Variants in IRAK3 observed in about 807,000 individuals in gnomAD.
IRAK3 encodes interleukin-1 receptor-associated kinase 3.
IRAK3 carries 57 observed loss-of-function variants against 56.6 expected under a neutral mutation model. That is an observed-to-expected ratio of 1.01 (90% CI 0.81 to 1.26). The LOEUF (loss-of-function observed/expected upper bound fraction) is 1.26. Ranked by LOEUF, IRAK3 falls within the 50% of genes most tolerant of loss-of-function variation. IRAK3 has a pLI of 0.00. For synonymous variants in IRAK3, 258 were observed against 255.7 expected (o/e 1.01, Z -0.09); for missense variants, 703 against 719.0 (o/e 0.98, Z 0.25).
intron 8 of IRAK3, among the ~76,000 whole-genome samples, chr12:66,238,778 G>A (rs1046037386): frequency 6.6e-6 from 1 of 152,158 alleles, no homozygotes; most frequent in African/African-American, 2.4e-5. Context: ...CAACAAGTCT[G>A]GGGGTTTATT....
Position 66,228,347 on chromosome 12 carries a change from G to T in IRAK3, c.864G>T (p.Ser288=), listed in dbSNP as rs535521918. The change falls in exon 8 of 12, where the codon TCG becomes TCT. Residue 288 remains serine (S), a synonymous_variant. Coordinates refer to ENST00000261233, the MANE Select transcript of IRAK3 (RefSeq NM_007199.3). ...IHYLHNVQPC[S]VICGSISSAN... Reference sequence around the variant, plus strand: ...ACCTGCACAACGTTCAACCATGCTCGGTCATCTGTGGCAGTATATCAAGGT... The same window carrying T: ...ACCTGCACAACGTTCAACCATGCTCTGTCATCTGTGGCAGTATATCAAGGT... 4.3e-6 allele frequency: 7 copies of T among 1,612,976 alleles called. No homozygotes were observed. The highest frequency in any genetic ancestry group is 1.3e-5 in the African/African-American group (1 of 74,866).
rs772091770 is a variant in IRAK3, at chr12:66,248,896, A to G, written c.*725A>G. 2 of 152,204 alleles carry G rather than the reference A, an allele frequency of 1.3e-5. No individual in the cohort carries two copies. Among genetic ancestry groups the G allele is most frequent in the South Asian group, 2.1e-4 (1 of 4,832 alleles). The allele number at this position is 152,204 out of a possible 1,614,324, so 9.4% of individuals were successfully genotyped here. ...GTGAAATGTCCATCAAGTAATTTTT[A>G]TTCCTGAGAAAATGGCTGGTCAAGG... On this transcript the variant is annotated 3_prime_UTR_variant, in exon 12 of 12. Coordinates refer to ENST00000261233, the MANE Select transcript of IRAK3 (RefSeq NM_007199.3).
chr12:66,233,166 CAA>C (rs1223704761), intron 8 of IRAK3, among the ~76,000 whole-genome samples: 1 of 152,124 alleles, frequency 6.6e-6, no homozygotes, highest in African/African-American at 2.4e-5. Context: ...GCTACAGCAT[CAA>C]AAGAGTTAAG....
intron 8 of IRAK3, among the ~76,000 whole-genome samples, chr12:66,230,452 G>T (rs969501688): frequency 6.6e-6 from 1 of 152,148 alleles, no homozygotes; most frequent in East Asian, 1.9e-4. Context: ...CTGGGGTGGC[G>T]CATCAAAGAC....
chr12:66,197,662 T>C, intron 1 of IRAK3: 1 of 985,374 alleles, frequency 1.0e-6, no homozygotes, highest in Non-Finnish European at 1.2e-6. Context: ...GAACTTCTGC[T>C]ATTAGAAAAA....
Position 66,235,183 on chromosome 12 carries a change from G to A in IRAK3, c.887+6813G>A. ...TATTACTGCTGGTGGTGCTGGGACT[G>A]GGAGGGGCCATGGGGTGGGCTGGGA... On this transcript the variant is annotated intron_variant, in intron 8 of 11. Coordinates refer to ENST00000261233, the MANE Select transcript of IRAK3 (RefSeq NM_007199.3). 4 of 1,613,724 alleles carry A rather than the reference G, an allele frequency of 2.5e-6. No homozygotes were observed. In the South Asian group the frequency reaches 4.4e-5, roughly 18 times the overall value.
At chr12:66,195,771 T>G (rs2052445303) in intron 1 of IRAK3, among the ~76,000 whole-genome samples, 1 of 152,222 alleles carries the variant, frequency 6.6e-6, no homozygotes, top group Non-Finnish European at 1.5e-5. Flanking sequence ...GAGATTCTCC[T>G]GCCTCAGCAT....
chr12:66,206,953 C>T (rs186813049), intron 2 of IRAK3, among the ~76,000 whole-genome samples: 1 of 152,250 alleles, frequency 6.6e-6, no homozygotes. Context: ...TTCCTAGAAA[C>T]CTGTCCATGT....
chr12:66,235,624 G>C (rs558004280), intron 8 of IRAK3, among the ~76,000 whole-genome samples: 2 of 149,306 alleles, frequency 1.3e-5, no homozygotes, highest in East Asian at 3.9e-4. Context: ...CGCGTCCTCC[G>C]ATATTATTAA....
chr12:66,212,272 A>G (rs994578452), intron 5 of IRAK3, among the ~76,000 whole-genome samples: 1 of 152,146 alleles, frequency 6.6e-6, no homozygotes, highest in Non-Finnish European at 1.5e-5. Context: ...ACTGCTTTAT[A>G]AATTGTCTTC....
At chr12:66,232,122 A>AG (rs1317275474) in intron 8 of IRAK3, among the ~76,000 whole-genome samples, 1 of 152,220 alleles carries the variant, frequency 6.6e-6, no homozygotes, top group Non-Finnish European at 1.5e-5. Context: ...ATATTATGGA[A>AG]GAGACAAGGC....
At chr12:66,197,079 G>C (rs2052461479) in intron 1 of IRAK3, 5 of 1,361,002 alleles carry the variant, frequency 3.7e-6, no homozygotes, top group Non-Finnish European at 4.7e-6. Context: ...AGCCTTCAAG[G>C]ACTTTTGAGC....
chr12:66,207,724 A>G (rs1299373498), intron 2 of IRAK3, among the ~76,000 whole-genome samples: 3 of 151,350 alleles, frequency 2.0e-5, no homozygotes, highest in Admixed American at 2.0e-4. Flanking sequence ...TTGTGTTTTC[A>G]TTTTCATTCA....
chr12:66,251,092 G>A lies in IRAK3; in HGVS notation c.*2921G>A, dbSNP rs1313164124. On this transcript the variant is annotated 3_prime_UTR_variant, in exon 12 of 12. Coordinates refer to ENST00000261233, the MANE Select transcript of IRAK3 (RefSeq NM_007199.3). ...GGATGTTGGTTAGCACAGAGTGGGA[G>A]CTCTAGAAAGATTGTTGACCAATCA... The A allele has an allele frequency of 1.3e-5, 2 of 152,190 alleles. No homozygotes were observed. The highest frequency in any genetic ancestry group is 4.1e-4 in the South Asian group (2 of 4,830). The allele number at this position is 152,190 out of a possible 1,614,324, so 9.4% of individuals were successfully genotyped here.
rs1230420234 is a variant in IRAK3 at position 66,253,906 on chromosome 12, T to C, written c.*5735T>C. ...GAGAATACAAACCAAAAACACTTTA[T>C]TCAAGTCCAGGAAATATCTGCCTTG... On this transcript the variant is annotated 3_prime_UTR_variant, in exon 12 of 12. Transcript: ENST00000261233. The C allele has an allele frequency of 6.6e-6, 1 of 152,228 alleles. No individual in the cohort carries two copies. Among genetic ancestry groups the C allele is most frequent in the Non-Finnish European group, 1.5e-5 (1 of 68,038 alleles). The allele number at this position is 152,228 out of a possible 1,614,324, so 9.4% of individuals were successfully genotyped here.
chr12:66,193,442 G>A (rs562785285), intron 1 of IRAK3, among the ~76,000 whole-genome samples: 145 of 152,302 alleles, frequency 9.5e-4, no homozygotes, highest in African/African-American at 3.2e-3. Flanking sequence ...TCTTGCATGA[G>A]TGTGCTGCAT....
intron 8 of IRAK3, among the ~76,000 whole-genome samples, chr12:66,229,394 A>T (rs1029556267): frequency 6.6e-6 from 1 of 152,182 alleles, no homozygotes; most frequent in Admixed American, 6.5e-5. Flanking sequence ...TTTGCTGAAT[A>T]TCAAGGAAGA....
intron 8 of IRAK3, among the ~76,000 whole-genome samples, chr12:66,236,270 C>T (rs75932441): frequency 4.6e-5 from 7 of 151,596 alleles, no homozygotes; most frequent in East Asian, 1.9e-4. Context: ...GGGTTCAGGC[C>T]GGGTGAGGTG....
chr12:66,245,936 T>C (rs1470218945), intron 11 of IRAK3, among the ~76,000 whole-genome samples: 3 of 152,112 alleles, frequency 2.0e-5, no homozygotes, highest in Non-Finnish European at 4.4e-5. Context: ...AAACAAATAA[T>C]GCCTACTCTG....
Sources: allele counts gnomAD v4.1 joint callset (sites outside exome capture counted in the v4.1 genomes callset), GRCh38; gene constraint gnomAD v4.1.1; transcripts MANE v1.5; gene names NCBI Gene and HGNC (gene_info 2026-07-23, HGNC 2026-07-21).